Variants in WDR44 observed in about 807,000 individuals in gnomAD.
WDR44 encodes WD repeat domain 44.
A neutral mutation model predicts 65.7 loss-of-function variants in WDR44; 9 were observed. That is an observed-to-expected ratio of 0.14 (90% CI 0.08 to 0.24). The LOEUF is 0.24. WDR44 is among the 10% of genes least tolerant of loss of function. The pLI is 1.00. For missense variants in WDR44, 425 were observed against 670.9 expected, an observed-to-expected ratio of 0.63 and a Z score of 4.05; for synonymous variants, 220 against 235.2, an observed-to-expected ratio of 0.94 and a Z score of 0.59.
At position 118,436,464 on chromosome X, in the gene WDR44, C is replaced by G. The variant is rs2057255826; in HGVS notation, c.1852-238C>G. On this transcript the variant is annotated intron_variant, in intron 13 of 19. Transcript: ENST00000254029. ...GATTTCTTTAGACATTGATAAGATT[C>G]ATCTGAATTTCAGAACAGGTAATGT... 7.0e-6 allele frequency: 3 copies of G among 430,533 alleles called. No individual in the cohort carries two copies. In the Admixed American group the frequency reaches 8.6e-5, roughly 12 times the overall value. The allele number at this position is 430,533 out of a possible 1,213,427, so 35.5% of individuals were successfully genotyped here. A position where few individuals can be genotyped will look rare whatever the true frequency, so the allele number is the denominator to read the frequency against.
intron 15 of WDR44, 71 bp from the exon 16 acceptor site, chrX:118,442,173 C>G (rs2057309541): frequency 1.1e-6 from 1 of 946,262 alleles, no homozygotes; most frequent in Admixed American, 2.3e-5. Flanking sequence ...TCCTGAGTAG[C>G]TAGAGTTACA....
chrX:118,446,035 G>GA lies in WDR44; in HGVS notation c.2647+1559dup, dbSNP rs71931551. On this transcript the variant is annotated intron_variant, in intron 19 of 19. Coordinates refer to ENST00000254029, the MANE Select transcript of WDR44 (RefSeq NM_019045.5). ...CAGAGGGAGACTCCATCTCAAAAAA[G>GA]AAAAAAAAAAAAAAAAAAGACCAAG... Among the ~76,000 whole-genome samples, 123 of 65,346 alleles carry GA rather than the reference G, an allele frequency of 1.9e-3. 1 individual carries two copies. Among genetic ancestry groups the GA allele is most frequent in the Non-Finnish European group, 3.0e-3 (93 of 30,640 alleles). The allele number at this position is 65,346 out of a possible 115,157, so 56.7% of individuals were successfully genotyped here.
chrX:118,436,186 T>G (rs886371500), intron 13 of WDR44, among the ~76,000 whole-genome samples: 2 of 112,394 alleles, frequency 1.8e-5, no homozygotes, highest in Non-Finnish European at 3.8e-5. Flanking sequence ...TTCTATTCTC[T>G]AATTTTCTTG....
At chrX:118,375,372 G>A (rs1163603463) in intron 1 of WDR44, among the ~76,000 whole-genome samples, 1 of 109,215 alleles carries the variant, frequency 9.2e-6, no homozygotes, top group Non-Finnish European at 1.9e-5. Flanking sequence ...GTACCACATG[G>A]AAATTTGTGC....
intron 9 of WDR44, among the ~76,000 whole-genome samples, chrX:118,404,845 C>T (rs574371352): frequency 1.8e-5 from 2 of 110,100 alleles, no homozygotes; most frequent in South Asian, 7.7e-4. Flanking sequence ...GGACTACAGG[C>T]GCCTGCCACC....
chrX:118,374,938 T>C (rs2056644285), intron 1 of WDR44, among the ~76,000 whole-genome samples: 1 of 111,738 alleles, frequency 8.9e-6, no homozygotes, highest in Non-Finnish European at 1.9e-5. Context: ...TGAAGCAAGG[T>C]TCATCTGCTC....
Position 118,398,483 on chromosome X carries a change from A to G in WDR44, c.1274+13A>G. 8.6e-7 allele frequency: 1 copy of G among 1,163,651 alleles called. No homozygotes were observed. The highest frequency in any genetic ancestry group is 2.3e-5 in the Admixed American group (1 of 43,344). On this transcript the variant is annotated intron_variant, in intron 8 of 19. Transcript: ENST00000254029. The stretch of plus-strand genomic sequence containing the variant: ...TAAAACAGAAAACGTGAGTTACAGT[A>G]CATCCCTTTTCTTCATTTCAAGTTT...
chrX:118,413,642 T>C (rs973299693), intron 12 of WDR44, among the ~76,000 whole-genome samples: 1 of 112,246 alleles, frequency 8.9e-6, no homozygotes, highest in Non-Finnish European at 1.9e-5. Context: ...GGGTTGTCTG[T>C]TTACTCTGCT....
At chrX:118,378,735 T>TGTGTGTGTGTGTGTGTG (rs1556057149) in intron 2 of WDR44, among the ~76,000 whole-genome samples, 5 of 106,451 alleles carry the variant, frequency 4.7e-5, no homozygotes, top group African/African-American at 1.4e-4. Flanking sequence ...TGTGTGTGTG[T>TGTGTGTGTGTGTGTGTG]TGAAAAAGTG....
chrX:118,432,821 C>T lies in WDR44; in HGVS notation c.1778C>T (p.Ala593Val). ...GATGAAGACCCTGATGATAAAAACG[C>T]ACCCTTTCGGCAACGGCCATTTTGC... ...GTDEDPDDKN[A>V]PFRQRPFCKY... The change falls in exon 13 of 20, where the codon GCA (alanine) becomes GTA (valine). Residue 593 changes from alanine to valine, a missense_variant. Physicochemically the swap from Ala to Val is moderately conservative, Grantham distance 64. This residue lies in a region of WDR44 where 45 missense variants were observed against 50.0 expected (regional missense o/e 0.90). Transcript: ENST00000254029. 8.3e-7 allele frequency: 1 copy of T among 1,211,533 alleles called. No homozygotes were observed. The highest frequency in any genetic ancestry group is 1.1e-6 in the Non-Finnish European group (1 of 895,117).
At position 118,397,074 on chromosome X, in the gene WDR44, A is replaced by G. The variant is rs764136760; in HGVS notation, c.1158A>G (p.Leu386=). The change falls in exon 7 of 20, where the codon CTA becomes CTG. Residue 386 remains leucine, a synonymous_variant. Transcript: ENST00000254029. ...CAACAGGCATTAATCCTCTCACTCT[A>G]CACATCATGAGAAGGACAAAAGAAT... ...KLPTGINPLT[L]HIMRRTKEYV... 1 of 1,187,481 alleles carries G rather than the reference A, an allele frequency of 8.4e-7. No homozygotes were observed. Among genetic ancestry groups the G allele is most frequent in the East Asian group, 3.1e-5 (1 of 32,618 alleles).
intron 8 of WDR44, among the ~76,000 whole-genome samples, chrX:118,400,445 A>T (rs2056901889): frequency 8.9e-6 from 1 of 111,935 alleles, no homozygotes; most frequent in Admixed American, 9.5e-5. Flanking sequence ...CTTTAGAACT[A>T]TTACCATCTG....
intron 8 of WDR44, among the ~76,000 whole-genome samples, chrX:118,400,417 A>G (rs937201245): frequency 7.1e-5 from 8 of 111,907 alleles, no homozygotes; most frequent in Non-Finnish European, 1.5e-4. Flanking sequence ...GCCATTTAAG[A>G]AGGCATAAAA....
intron 1 of WDR44, among the ~76,000 whole-genome samples, chrX:118,367,553 C>T (rs1182771898): frequency 1.8e-5 from 2 of 111,604 alleles, no homozygotes; most frequent in African/African-American, 6.5e-5. Context: ...ATTAGACTTA[C>T]TAGTGTAGAG....
chrX:118,397,185 C>A, intron 7 of WDR44, 79 bp downstream of exon 7: 1 of 927,241 alleles, frequency 1.1e-6, no homozygotes, highest in Non-Finnish European at 1.4e-6. Context: ...CTATGACAAC[C>A]CCTAATTTGG....
chrX:118,402,241 C>G (rs1276825945), intron 8 of WDR44, among the ~76,000 whole-genome samples: 2 of 106,367 alleles, frequency 1.9e-5, no homozygotes, highest in Non-Finnish European at 3.9e-5. Context: ...CACGACCAGC[C>G]CGGCCAACAT....
rs759225823 is a variant in WDR44 at position 118,425,649 on chromosome X, A to G, written c.1738-7132A>G. Among the ~76,000 whole-genome samples the G allele has an allele frequency of 4.4e-3, 493 of 111,650 alleles. 1 individual carries two copies. Among genetic ancestry groups the G allele is most frequent in the African/African-American group, 0.015 (465 of 30,797 alleles). The stretch of plus-strand genomic sequence containing the variant: ...GGTGATGGAGCAAGACTCCATCTCA[A>G]AAAAAAAGATAAGAAATGTCTTGTT... On this transcript the variant is annotated intron_variant, in intron 12 of 19. Coordinates refer to ENST00000254029, the MANE Select transcript of WDR44 (RefSeq NM_019045.5).
chrX:118,411,298 T>C (rs774194984), intron 12 of WDR44, among the ~76,000 whole-genome samples: 2 of 111,027 alleles, frequency 1.8e-5, no homozygotes, highest in East Asian at 5.7e-4. Flanking sequence ...AAAGAAAAAA[T>C]ATATTTAAGT....
chrX:118,440,465 G>A (rs1193235671), intron 14 of WDR44, among the ~76,000 whole-genome samples: 1 of 111,236 alleles, frequency 9.0e-6, no homozygotes, highest in Non-Finnish European at 1.9e-5. Flanking sequence ...CTGTTGACAT[G>A]GTGTTAGAGT....
Sources: allele counts gnomAD v4.1 joint callset (sites outside exome capture counted in the v4.1 genomes callset), GRCh38; gene constraint gnomAD v4.1.1; regional missense constraint gnomAD v4.1.1; transcripts MANE v1.5; gene names NCBI Gene and HGNC (gene_info 2026-07-23, HGNC 2026-07-21).